CHRM2: variants seen among roughly 807,000 people sequenced by gnomAD.
CHRM2 encodes cholinergic receptor muscarinic 2, also known as muscarinic acetylcholine receptor M2.
In CHRM2, 8 loss-of-function variants were observed where a neutral mutation model predicts 25.0. The observed-to-expected ratio is 0.32, with a 90% confidence interval of 0.19 to 0.58. The LOEUF is 0.58. Ranked by LOEUF, CHRM2 falls within the 20% of genes least tolerant of loss-of-function variation. The probability of loss-of-function intolerance (pLI) is 0.88; values close to 1 mark genes in which losing one functional copy is unlikely to be tolerated. For synonymous variants in CHRM2, 202 were observed against 205.7 expected, an observed-to-expected ratio of 0.98 and a Z score of 0.15; for missense variants, 440 against 567.1, an observed-to-expected ratio of 0.78 and a Z score of 2.28.
chr7:136,973,369 G>A (rs1467849633), intron 2 of CHRM2, among the ~76,000 whole-genome samples: 4 of 92,164 alleles, frequency 4.3e-5, no homozygotes, highest in South Asian at 5.7e-4. Flanking sequence ...TGACGGTGAC[G>A]GTGTTAGGGA....
intron 3 of CHRM2, among the ~76,000 whole-genome samples, chr7:137,009,758 C>T (rs181664433): frequency 4.5e-4 from 68 of 152,144 alleles, no homozygotes; most frequent in African/African-American, 1.6e-3. Flanking sequence ...AACATCCTAA[C>T]ACTTCCAGGG....
intron 2 of CHRM2, among the ~76,000 whole-genome samples, chr7:136,940,221 C>T (rs1032139281): frequency 1.2e-4 from 18 of 152,112 alleles, no homozygotes; most frequent in African/African-American, 4.3e-4. Context: ...CACTTCATGC[C>T]ACAGTAAAAT....
At chr7:136,974,999 T>C (rs1802021802) in intron 2 of CHRM2, among the ~76,000 whole-genome samples, 1 of 152,188 alleles carries the variant, frequency 6.6e-6, no homozygotes, top group African/African-American at 2.4e-5. Context: ...TTAAAAATTA[T>C]AGGAAGAGTT....
intron 2 of CHRM2, among the ~76,000 whole-genome samples, chr7:136,990,969 A>G (rs541759162): frequency 1.3e-5 from 2 of 152,262 alleles, no homozygotes; most frequent in East Asian, 1.9e-4. Flanking sequence ...CCTTGATGGC[A>G]TATGATATAA....
intron 2 of CHRM2, among the ~76,000 whole-genome samples, chr7:136,930,849 A>ACTGCGCCACTGCACTCCAGC: frequency 3.5e-5 from 5 of 142,046 alleles, no homozygotes; most frequent in Admixed American, 1.5e-4. Flanking sequence ...GTGAGCCGAG[A>ACTGCGCCACTGCACTCCAGC]CTGCGCCACT....
At chr7:136,988,102 T>A (rs1473411321) in intron 2 of CHRM2, among the ~76,000 whole-genome samples, 3 of 150,948 alleles carry the variant, frequency 2.0e-5, no homozygotes, top group African/African-American at 7.3e-5. Flanking sequence ...AATATATGTA[T>A]ATTTAGATAT....
intron 2 of CHRM2, among the ~76,000 whole-genome samples, chr7:136,874,688 G>A (rs1372960800): frequency 2.0e-5 from 3 of 151,638 alleles, no homozygotes; most frequent in African/African-American, 7.3e-5. Context: ...TTAAAGCTTA[G>A]GGAGAATTTC....
At chr7:136,910,335 A>C (rs1037023716) in intron 2 of CHRM2, among the ~76,000 whole-genome samples, 1 of 151,952 alleles carries the variant, frequency 6.6e-6, no homozygotes, top group Non-Finnish European at 1.5e-5. Flanking sequence ...CTATGTCTAC[A>C]TGACCCTAGT....
chr7:136,901,171 G>A lies in CHRM2; in HGVS notation c.-125+31753G>A, dbSNP rs115540350. On this transcript the variant is annotated intron_variant, in intron 2 of 3. Coordinates refer to ENST00000680005, the MANE Select transcript of CHRM2 (RefSeq NM_001006630.2). Reference sequence around the variant, plus strand: ...GGGCACCCCCAAAGTGGAAACGAGTGCCCTGGGAAAGGAAAAATTCCATTT... The same window carrying A: ...GGGCACCCCCAAAGTGGAAACGAGTACCCTGGGAAAGGAAAAATTCCATTT... Among the ~76,000 whole-genome samples, 787 of 152,112 alleles carry A rather than the reference G, an allele frequency of 5.2e-3. 5 individuals carry two copies. The highest frequency in any genetic ancestry group is 0.018 in the African/African-American group (727 of 41,536).
At chr7:136,883,118 G>C (rs140428289) in intron 2 of CHRM2, among the ~76,000 whole-genome samples, 565 of 152,128 alleles carry the variant, frequency 3.7e-3, no homozygotes, top group African/African-American at 0.013. Flanking sequence ...TCTTACGTAG[G>C]GCTTAGCGTT....
In CHRM2 at chr7:136,868,746, G is replaced by GCACACACACACACA. The variant is rs35916399; in HGVS notation, c.-514_-501dup. ...GCAAAGACCTAGGGAGCGCGCGCGGGCACACACACACACACACACACACAC... is the reference window on the plus strand; with the variant it reads ...GCAAAGACCTAGGGAGCGCGCGCGGGCACACACACACACACACACACACACACACACACACACAC... On this transcript the variant is annotated 5_prime_UTR_variant, in exon 1 of 4. Transcript: ENST00000680005. The GCACACACACACACA allele has an allele frequency of 6.7e-6, 1 of 149,468 alleles. No homozygotes were observed. The highest frequency in any genetic ancestry group is 1.5e-5 in the Non-Finnish European group (1 of 67,302). 9.3% of individuals were successfully genotyped at this position (149,468 alleles called of 1,614,324 possible).
At chr7:136,987,708 C>T (rs1002367564) in intron 2 of CHRM2, among the ~76,000 whole-genome samples, 5 of 152,134 alleles carry the variant, frequency 3.3e-5, no homozygotes, top group African/African-American at 1.2e-4. Context: ...TCGGAGCTAC[C>T]AGGGACTATT....
At chr7:136,914,160 G>A (rs145858322) in intron 2 of CHRM2, 3 of 151,710 alleles carry the variant, frequency 2.0e-5, no homozygotes, top group African/African-American at 7.2e-5. Context: ...TTTTATTATT[G>A]TTTCAATTGT....
intron 2 of CHRM2, among the ~76,000 whole-genome samples, chr7:136,988,726 A>G (rs1425536818): frequency 6.6e-6 from 1 of 152,124 alleles, no homozygotes; most frequent in Non-Finnish European, 1.5e-5. Context: ...AGCAAAAATG[A>G]GATAATAAAG....
intron 2 of CHRM2, among the ~76,000 whole-genome samples, chr7:136,969,011 A>C: frequency 6.6e-6 from 1 of 152,076 alleles, no homozygotes. Context: ...TACTGTATTC[A>C]GTTCTATGCA....
At chr7:136,938,207 C>A in intron 2 of CHRM2, 1 of 759,684 alleles carries the variant, frequency 1.3e-6, no homozygotes, top group Non-Finnish European at 2.4e-6. Context: ...CAGGTTACTT[C>A]TCACTCAGGG....
chr7:137,001,559 T>C (rs993020929), intron 3 of CHRM2, among the ~76,000 whole-genome samples: 1 of 152,142 alleles, frequency 6.6e-6, no homozygotes, highest in Non-Finnish European at 1.5e-5. Context: ...CAGCCAAATA[T>C]GAACCAGAGA....
At chr7:136,976,736 T>A (rs1180501697) in intron 2 of CHRM2, among the ~76,000 whole-genome samples, 1 of 152,136 alleles carries the variant, frequency 6.6e-6, no homozygotes, top group Non-Finnish European at 1.5e-5. Context: ...TTTATTTTAC[T>A]CAGAGCAAGA....
chr7:136,874,549 T>G (rs1795971018), intron 2 of CHRM2, among the ~76,000 whole-genome samples: 4 of 8,500 alleles, frequency 4.7e-4, no homozygotes, highest in East Asian at 4.5e-3. Context: ...TCTTCCCCCA[T>G]GCCCTCCCTC....
Sources: allele counts gnomAD v4.1 joint callset (sites outside exome capture counted in the v4.1 genomes callset), GRCh38; gene constraint gnomAD v4.1.1; transcripts MANE v1.5; gene names NCBI Gene and HGNC (gene_info 2026-07-23, HGNC 2026-07-21).